The following SCAF11 variants were observed in gnomAD, a reference collection of about 807,000 sequenced individuals.
SCAF11 encodes SR-related CTD associated factor 11, also known as protein SCAF11.
SCAF11 carries 47 observed loss-of-function variants against 140.5 expected under a neutral mutation model. The observed-to-expected ratio is 0.33, with a 90% CI of 0.26 to 0.43. SCAF11 has a LOEUF of 0.43. SCAF11 is among the 20% of genes least tolerant of loss of function. SCAF11 has a pLI of 1.00. For synonymous variants in SCAF11, 557 were observed against 579.4 expected, an observed-to-expected ratio of 0.96 and a Z score of 0.55; for missense variants, 1,645 against 1,705.1, an observed-to-expected ratio of 0.96 and a Z score of 0.62.
At chr12:45,929,010 T>C (rs1944973800) in intron 10 of SCAF11, 151 bp from the exon 11 acceptor site, 1 of 432,888 alleles carries the variant, frequency 2.3e-6, no homozygotes, top group African/African-American at 2.0e-5. Context: ...GCTACTAACA[T>C]CTGAGTAATA....
intron 3 of SCAF11, chr12:45,955,849 T>C (rs918895211): frequency 3.5e-5 from 11 of 317,552 alleles, no homozygotes; most frequent in Middle Eastern, 9.4e-4. Context: ...AATAACATCA[T>C]TGGCTTTATG....
intron 3 of SCAF11, chr12:45,956,159 C>G: frequency 2.8e-6 from 2 of 716,870 alleles, no homozygotes; most frequent in Non-Finnish European, 5.2e-6. Flanking sequence ...GCTGCTCTAT[C>G]CTCAATCACA....
intron 3 of SCAF11, among the ~76,000 whole-genome samples, chr12:45,956,817 C>T (rs533509773): frequency 7.2e-5 from 11 of 152,220 alleles, no homozygotes; most frequent in Non-Finnish European, 1.2e-4. Context: ...AAACTAGGCA[C>T]AAAGAAATGC....
At chr12:45,955,889 C>T in intron 3 of SCAF11, 1 of 389,812 alleles carries the variant, frequency 2.6e-6, no homozygotes, top group Non-Finnish European at 4.6e-6. Context: ...GGAATTTGCT[C>T]ACTGCTTTAC....
At chr12:45,930,647 T>C (rs1436134755) in intron 10 of SCAF11, among the ~76,000 whole-genome samples, 5 of 152,098 alleles carry the variant, frequency 3.3e-5, no homozygotes, top group Non-Finnish European at 7.4e-5. Context: ...TACACAGCTA[T>C]GATTTAATAC....
chr12:45,945,235 A>C lies in SCAF11; in HGVS notation c.463+14T>G. On this transcript the variant is annotated intron_variant, in intron 6 of 14. Transcript: ENST00000369367. ...AAAAAAAAAGGTAGAATCCACAAGCAAAAAGTAACTTACTATGTATCCACT... is the reference window on the plus strand; with the variant it reads ...AAAAAAAAAGGTAGAATCCACAAGCCAAAAGTAACTTACTATGTATCCACT... 6.6e-7 allele frequency: 1 copy of C among 1,514,574 alleles called. No individual in the cohort carries two copies. Among genetic ancestry groups the C allele is most frequent in the Non-Finnish European group, 9.0e-7 (1 of 1,109,688 alleles). The allele number at this position is 1,514,574 out of a possible 1,614,324, so 93.8% of individuals were successfully genotyped here. A position where few individuals can be genotyped will look rare whatever the true frequency, so the allele number is the denominator to read the frequency against.
chr12:45,960,965 T>C (rs1377001345), intron 3 of SCAF11: 2 of 187,642 alleles, frequency 1.1e-5, no homozygotes, highest in Non-Finnish European at 2.2e-5. Flanking sequence ...AATTTTTTAC[T>C]TAACATTTCA....
chr12:45,989,248 G>GA (rs1195291395), intron 1 of SCAF11, among the ~76,000 whole-genome samples: 2 of 152,268 alleles, frequency 1.3e-5, no homozygotes, highest in East Asian at 3.9e-4. Flanking sequence ...CTTTTAAAAC[G>GA]AAAAAATAAT....
chr12:45,964,018 C>T, intron 2 of SCAF11, 89 bp downstream of exon 2: 1 of 678,306 alleles, frequency 1.5e-6, no homozygotes, highest in Non-Finnish European at 2.5e-6. Flanking sequence ...ACAAAAAACT[C>T]CTGTGTATTC....
intron 1 of SCAF11, among the ~76,000 whole-genome samples, chr12:45,989,447 G>T (rs1228345651): frequency 6.6e-6 from 1 of 152,198 alleles, no homozygotes; most frequent in Non-Finnish European, 1.5e-5. Context: ...TCAGCTGGTA[G>T]ACACTGTATG....
chr12:45,948,621 T>C, intron 4 of SCAF11, 84 bp from the exon 5 acceptor site: 2 of 827,240 alleles, frequency 2.4e-6, no homozygotes, highest in Non-Finnish European at 3.8e-6. Context: ...TGATTAAAAT[T>C]ACAGAAACAA....
At chr12:45,972,864 CGA>C (rs1491097687) in intron 1 of SCAF11, among the ~76,000 whole-genome samples, 47 of 66,320 alleles carry the variant, frequency 7.1e-4, no homozygotes, top group Non-Finnish European at 1.2e-3. Flanking sequence ...ATATATATAT[CGA>C]TATATATATA....
chr12:45,943,209 C>A (rs1198987113), intron 6 of SCAF11, among the ~76,000 whole-genome samples: 1 of 152,054 alleles, frequency 6.6e-6, no homozygotes, highest in Non-Finnish European at 1.5e-5. Flanking sequence ...ATGGATAATC[C>A]ATGAGTAAAG....
rs779585223 is a variant in SCAF11 at position 45,925,090 on chromosome 12, A to C, written c.3560-16T>G. ...AGGCTAGAATCTATCAAAAGAAAAA[A>C]AGCTTGTGAAAAAAATCATGTTATA... On this transcript the variant is annotated splice_polypyrimidine_tract_variant and intron_variant, in intron 11 of 14. Transcript: ENST00000369367. The C allele has an allele frequency of 1.3e-6, 2 of 1,574,082 alleles. No individual in the cohort carries two copies. Among genetic ancestry groups the C allele is most frequent in the Non-Finnish European group, 1.7e-6 (2 of 1,157,944 alleles).
intron 4 of SCAF11, among the ~76,000 whole-genome samples, chr12:45,950,717 T>G (rs894820221): frequency 6.6e-6 from 1 of 152,150 alleles, no homozygotes; most frequent in Admixed American, 6.5e-5. Context: ...TGTTTGTACC[T>G]TGCATCAAGA....
chr12:45,966,580 G>A (rs1592211290), intron 1 of SCAF11, among the ~76,000 whole-genome samples: 3 of 152,096 alleles, frequency 2.0e-5, no homozygotes, highest in East Asian at 3.9e-4. Context: ...AGAATACTGA[G>A]GGAAAGCTTC....
upstream of SCAF11, chr12:45,991,779 C>T: frequency 6.0e-6 from 5 of 827,758 alleles, no homozygotes; most frequent in Non-Finnish European, 6.2e-6. Context: ...TCTGCCTGCC[C>T]TCAGTGTCCC....
intron 5 of SCAF11, among the ~76,000 whole-genome samples, chr12:45,946,121 T>C (rs1293924965): frequency 6.6e-6 from 1 of 152,196 alleles, no homozygotes; most frequent in African/African-American, 2.4e-5. Flanking sequence ...AAAGAAAGCA[T>C]GATTAGTTTC....
At position 45,990,495 on chromosome 12, in the gene SCAF11, C is replaced by A; in HGVS notation, c.-164G>T. The A allele has an allele frequency of 8.1e-7, 1 of 1,230,244 alleles. No homozygotes were observed. The highest frequency in any genetic ancestry group is 1.0e-6 in the Non-Finnish European group (1 of 987,418). 76.2% of individuals were successfully genotyped at this position (1,230,244 alleles called of 1,614,324 possible). Reference sequence around the variant, plus strand: ...CAGGGTCTCTAGGACACTGACTCCGCTGGCTCGGTCCGGAGGCGGCGGCGA... The same window carrying A: ...CAGGGTCTCTAGGACACTGACTCCGATGGCTCGGTCCGGAGGCGGCGGCGA... On this transcript the variant is annotated 5_prime_UTR_variant, in exon 1 of 15. Coordinates refer to ENST00000369367, the MANE Select transcript of SCAF11 (RefSeq NM_004719.3).
Sources: allele counts gnomAD v4.1 joint callset (sites outside exome capture counted in the v4.1 genomes callset), GRCh38; gene constraint gnomAD v4.1.1; transcripts MANE v1.5; gene names NCBI Gene and HGNC (gene_info 2026-07-23, HGNC 2026-07-21).